CCL15: variants seen among roughly 807,000 people sequenced by gnomAD.
CCL15 encodes the protein C-C motif chemokine 15.
Under a neutral mutation model 10.6 loss-of-function variants are expected in CCL15, and 8 were observed. The ratio of observed to expected loss-of-function variants is 0.75; its 90% CI spans 0.44 to 1.36. The LOEUF (loss-of-function observed/expected upper bound fraction) is 1.36, where lower values mean the gene tolerates loss of function less well. Ranked by LOEUF, CCL15 falls within the 40% of genes most tolerant of loss-of-function variation. CCL15 has a pLI of 0.00. For synonymous variants in CCL15, 51 were observed against 48.8 expected (o/e 1.04, Z -0.19); for missense variants, 128 against 136.6 (o/e 0.94, Z 0.32).
chr17:35,999,033 G>GCCTC (rs1457215872), intron 1 of CCL15, 108 bp from the exon 2 acceptor site: 13 of 879,886 alleles, frequency 1.5e-5, no homozygotes, highest in African/African-American at 1.3e-4. Context: ...AGGCTCTGAA[G>GCCTC]CTGGACCACC....
chr17:35,998,230 G>T (rs745838496), intron 3 of CCL15, 50 bp downstream of exon 3: 4 of 1,247,836 alleles, frequency 3.2e-6, no homozygotes, highest in Non-Finnish European at 4.7e-6. Context: ...CCTGCAAGAT[G>T]CTGTGGGCTG....
rs373313270 is a variant in CCL15, at chr17:35,997,761, T to C, written c.*6A>G. 2.9e-5 allele frequency: 46 copies of C among 1,603,208 alleles called. No individual in the cohort carries two copies. The African/African-American group carries it at 5.8e-4, about 20-fold the overall frequency. ...TGGGTGGCTGGCCTCTTTTGTCTCTTTATTATTATATTGAGTAGGGCTTCA... is the reference window on the plus strand; with the variant it reads ...TGGGTGGCTGGCCTCTTTTGTCTCTCTATTATTATATTGAGTAGGGCTTCA... On this transcript the variant is annotated 3_prime_UTR_variant, in exon 4 of 4. Transcript: ENST00000617897.
Position 36,001,412 on chromosome 17 carries a change from C to T in CCL15, c.76+5G>A, listed in dbSNP as rs1164349612. On this transcript the variant is annotated splice_donor_5th_base_variant and intron_variant, in intron 1 of 3. Transcript: ENST00000617897. Reference sequence around the variant, plus strand: ...GTCACCTGGGAGAAAGCTCACTGGACTCACCATTTGTGAACTGGGCCTGGG... The same window carrying T: ...GTCACCTGGGAGAAAGCTCACTGGATTCACCATTTGTGAACTGGGCCTGGG... 3 of 1,613,998 alleles carry T rather than the reference C, an allele frequency of 1.9e-6. No homozygotes were observed. Among genetic ancestry groups the T allele is most frequent in the Non-Finnish European group, 2.5e-6 (3 of 1,179,994 alleles).
At chr17:36,000,879 G>A (rs1276446334) in intron 1 of CCL15, among the ~76,000 whole-genome samples, 3 of 151,972 alleles carry the variant, frequency 2.0e-5, no homozygotes, top group South Asian at 2.1e-4. Flanking sequence ...TTGGGGCCCC[G>A]TGTGTCACGG....
At chr17:35,998,145 G>C in intron 3 of CCL15, 135 bp downstream of exon 3, 1 of 651,030 alleles carries the variant, frequency 1.5e-6, no homozygotes, top group Non-Finnish European at 2.7e-6. Context: ...CAGAATCCTC[G>C]TAAGGACACA....
intron 1 of CCL15, among the ~76,000 whole-genome samples, chr17:35,999,922 T>G (rs1191720395): frequency 1.3e-5 from 2 of 150,754 alleles, no homozygotes; most frequent in East Asian, 3.9e-4. Context: ...GAGGCCGAGG[T>G]GGGCAGATAA....
chr17:35,999,877 C>A (rs1290341398), intron 1 of CCL15, among the ~76,000 whole-genome samples: 1 of 150,624 alleles, frequency 6.6e-6, no homozygotes, highest in African/African-American at 2.4e-5. Context: ...TGCAGCCAGG[C>A]GTGGTGGCTC....
In CCL15 at chr17:36,001,402, GCTCA is replaced by G. The variant is rs1436944290; in HGVS notation, c.76+11_76+14del. On this transcript the variant is annotated intron_variant, in intron 1 of 3. Coordinates refer to ENST00000617897, the MANE Select transcript of CCL15 (RefSeq NM_032965.6). Reference sequence around the variant, plus strand: ...CATGGACCTGGTCACCTGGGAGAAAGCTCACTGGACTCACCATTTGTGAACTGGG... The same window carrying G: ...CATGGACCTGGTCACCTGGGAGAAAGCTGGACTCACCATTTGTGAACTGGG... The G allele has an allele frequency of 2.5e-6, 4 of 1,613,944 alleles. No individual in the cohort carries two copies. The highest frequency in any genetic ancestry group is 1.7e-5 in the Admixed American group (1 of 59,996).
chr17:36,001,519 C>CGAGG lies in CCL15; in HGVS notation c.-31_-28dup, dbSNP rs1555642062. The stretch of plus-strand genomic sequence containing the variant: ...CTCCTGGTGGGCAGGCAGGGCTGGC[C>CGAGG]GAGGACTCCTGGGCTCACTGCTTCC... On this transcript the variant is annotated 5_prime_UTR_variant, in exon 1 of 4. Coordinates refer to ENST00000617897, the MANE Select transcript of CCL15 (RefSeq NM_032965.6). 5 of 1,612,148 alleles carry CGAGG rather than the reference C, an allele frequency of 3.1e-6. No individual in the cohort carries two copies. Among genetic ancestry groups the CGAGG allele is most frequent in the Middle Eastern group, 2.0e-4 (1 of 4,954 alleles).
chr17:35,997,880 A>G lies in CCL15; in HGVS notation c.249-20T>C, dbSNP rs761146096. 1.9e-5 allele frequency: 30 copies of G among 1,596,652 alleles called. No individual in the cohort carries two copies. The East Asian group carries it at 6.0e-4, about 32-fold the overall frequency. On this transcript the variant is annotated intron_variant, in intron 3 of 3. Coordinates refer to ENST00000617897, the MANE Select transcript of CCL15 (RefSeq NM_032965.6). ...AGGAATCTGGGGAACAAGGGAGAGA[A>G]AGATTACAAACTGAGGTGTGGGCAG...
chr17:36,000,843 C>T (rs1029883712), intron 1 of CCL15, among the ~76,000 whole-genome samples: 2 of 151,990 alleles, frequency 1.3e-5, no homozygotes, highest in Non-Finnish European at 2.9e-5. Context: ...GACTCCTGCC[C>T]GTGACTCCTG....
At position 35,998,358 on chromosome 17, in the gene CCL15, T is replaced by C; in HGVS notation, c.170A>G (p.Tyr57Cys). The change falls in exon 3 of 4, where the codon TAC becomes TGC. Residue 57 changes from tyrosine (Y) to cysteine (C), a missense_variant. Transcript: ENST00000617897. The part of the protein sequence containing the change: ...FHFAADCCTS[Y>C]ISQSIPCSLM... ...TGAACACGGGATGCTTTGTGAGATG[T>C]AGGAGGTGCAGCAGTCAGCAGCAAA... is the stretch of plus-strand genomic sequence containing the variant. The C allele has an allele frequency of 6.2e-7, 1 of 1,614,080 alleles. No individual in the cohort carries two copies. The highest frequency in any genetic ancestry group is 8.5e-7 in the Non-Finnish European group (1 of 1,179,938).
In CCL15 at chr17:35,997,702, T is replaced by A; in HGVS notation, c.*65A>T. ...AACAATATATATATTTTTTAAGTAT[T>A]TCAGACCAAGAAACTCACAGGAGGT... On this transcript the variant is annotated 3_prime_UTR_variant, in exon 4 of 4. Transcript: ENST00000617897. 1.1e-6 allele frequency: 1 copy of A among 944,432 alleles called. No individual in the cohort carries two copies. Among genetic ancestry groups the A allele is most frequent in the Middle Eastern group, 2.1e-4 (1 of 4,752 alleles). The allele number at this position is 944,432 out of a possible 1,614,324, so 58.5% of individuals were successfully genotyped here. A position where few individuals can be genotyped will look rare whatever the true frequency, so the allele number is the denominator to read the frequency against.
chr17:35,998,957 T>C (rs1163151201), intron 1 of CCL15, 32 bp from the exon 2 acceptor site: 15 of 1,578,976 alleles, frequency 9.5e-6, no homozygotes, highest in Non-Finnish European at 1.3e-5. Context: ...AGGAAATCAC[T>C]GGGTGGCAGC....
In CCL15 at chr17:36,001,500, G is replaced by T; in HGVS notation, c.-8C>A. The T allele has an allele frequency of 6.2e-7, 1 of 1,613,330 alleles. No individual in the cohort carries two copies. Among genetic ancestry groups the T allele is most frequent in the South Asian group, 1.1e-5 (1 of 91,016 alleles). On this transcript the variant is annotated 5_prime_UTR_variant, in exon 1 of 4. Coordinates refer to ENST00000617897, the MANE Select transcript of CCL15 (RefSeq NM_032965.6). ...AGCCACGGAGACCTTCATCCTCCTG[G>T]TGGGCAGGCAGGGCTGGCCGAGGAC...
In CCL15 at chr17:35,997,754, T is replaced by C; in HGVS notation, c.*13A>G. 1 of 1,586,628 alleles carries C rather than the reference T, an allele frequency of 6.3e-7. No individual in the cohort carries two copies. The highest frequency in any genetic ancestry group is 8.7e-7 in the Non-Finnish European group (1 of 1,155,114). Reference sequence around the variant, plus strand: ...TTGGAGGTGGGTGGCTGGCCTCTTTTGTCTCTTTATTATTATATTGAGTAG... The same window carrying C: ...TTGGAGGTGGGTGGCTGGCCTCTTTCGTCTCTTTATTATTATATTGAGTAG... On this transcript the variant is annotated 3_prime_UTR_variant, in exon 4 of 4. Coordinates refer to ENST00000617897, the MANE Select transcript of CCL15 (RefSeq NM_032965.6).
intron 1 of CCL15, among the ~76,000 whole-genome samples, chr17:36,000,462 C>CAAAA (rs71157588): frequency 1.2e-4 from 6 of 49,088 alleles, no homozygotes; most frequent in Admixed American, 2.1e-4. Flanking sequence ...AACTCCATCT[C>CAAAA]AAAAAAAAAA....
At chr17:35,998,959 G>A (rs746231084) in intron 1 of CCL15, 34 bp from the exon 2 acceptor site, 1 of 1,567,806 alleles carries the variant, frequency 6.4e-7, no homozygotes, top group Non-Finnish European at 8.8e-7. Context: ...GAAATCACTG[G>A]GTGGCAGCAG....
At chr17:36,000,197 C>T (rs1352880691) in intron 1 of CCL15, among the ~76,000 whole-genome samples, 8 of 148,268 alleles carry the variant, frequency 5.4e-5, no homozygotes, top group African/African-American at 1.8e-4. Context: ...CGCGGTGGCT[C>T]ACACCTGTAA....
Sources: allele counts gnomAD v4.1 joint callset (sites outside exome capture counted in the v4.1 genomes callset), GRCh38; gene constraint gnomAD v4.1.1; transcripts MANE v1.5; gene names NCBI Gene and HGNC (gene_info 2026-07-23, HGNC 2026-07-21).